The following PRR12 variants were observed in gnomAD, a reference collection of about 807,000 sequenced individuals.
PRR12 encodes proline rich 12.
A neutral mutation model predicts 138.0 loss-of-function variants in PRR12; 12 were observed. The observed-to-expected ratio is 0.09, with a 90% CI of 0.06 to 0.14. The LOEUF (loss-of-function observed/expected upper bound fraction) is 0.14. Among genes scored for constraint, PRR12 ranks in the 10% least tolerant of loss-of-function variants. The probability of loss-of-function intolerance (pLI) is 1.00; values close to 1 mark genes in which losing one functional copy is unlikely to be tolerated. For synonymous variants in PRR12, 1,567 were observed against 1,291.7 expected (o/e 1.21, Z -4.57); for missense variants, 2,692 against 2,861.3 (o/e 0.94, Z 1.35).
At chr19:49,607,615 G>A (rs2080845279) in intron 6 of PRR12, among the ~76,000 whole-genome samples, 1 of 152,028 alleles carries the variant, frequency 6.6e-6, no homozygotes, top group African/African-American at 2.4e-5. Context: ...GGCTCAGGTG[G>A]GAGAATCGCT....
rs530237868 is a variant in PRR12, at chr19:49,615,636, G to A, written c.5025-111G>A. The A allele has an allele frequency of 3.4e-5, 29 of 851,926 alleles. No homozygotes were observed. The South Asian group carries it at 4.4e-4, about 13-fold the overall frequency. 52.8% of individuals were successfully genotyped at this position (851,926 alleles called of 1,614,324 possible). On this transcript the variant is annotated intron_variant, in intron 8 of 13. Coordinates refer to ENST00000418929, the MANE Select transcript of PRR12 (RefSeq NM_020719.3). Reference sequence around the variant, plus strand: ...GGGAACAGAGACCAGAGAGAGGAGGGGACAGTATGAGAGAAGCTATTCCTG... The same window carrying A: ...GGGAACAGAGACCAGAGAGAGGAGGAGACAGTATGAGAGAAGCTATTCCTG...
At position 49,597,285 on chromosome 19, in the gene PRR12, C is replaced by G. The variant is rs1237384416; in HGVS notation, c.2950C>G (p.Pro984Ala). ...GGCTGGCGCTGGGCCACCCCCCGGC[C>G]CCCCTGCTTATGATCCCTATGGGCC... is the stretch of plus-strand genomic sequence containing the variant. Reference protein sequence around the residue: ...PKAGAGPPPGPPAYDPYGPYC... With the variant: ...PKAGAGPPPGAPAYDPYGPYC... The change falls in exon 4 of 14, where the codon CCC (proline) becomes GCC (alanine). Residue 984 changes from proline (P) to alanine (A), a missense_variant. By Grantham distance (27) the Pro-to-Ala change is conservative. Transcript: ENST00000418929. The surrounding 1 kb of genome is among the most constrained non-coding windows in gnomAD (Gnocchi z 6.3). 1 of 1,562,668 alleles carries G rather than the reference C, an allele frequency of 6.4e-7. No individual in the cohort carries two copies. Among genetic ancestry groups the G allele is most frequent in the Non-Finnish European group, 8.7e-7 (1 of 1,155,672 alleles).
At position 49,596,843 on chromosome 19, in the gene PRR12, T is replaced by TGCCCCCCCCCCC; in HGVS notation, c.2508_2509insGCCCCCCCCCCC (p.Pro836_Pro837insAlaProProPro). ...CCCGCGATGGGGCACCCCAGCCACC[T>TGCCCCCCCCCCC]CCACCGCCACCCCCGCCTCCACCAC... is the stretch of plus-strand genomic sequence containing the variant. On this transcript the variant is annotated inframe_insertion, in exon 4 of 14. Transcript: ENST00000418929. The surrounding 1 kb of genome is among the most constrained non-coding windows in gnomAD (Gnocchi z 5.6). 1 of 1,546,752 alleles carries TGCCCCCCCCCCC rather than the reference T, an allele frequency of 6.5e-7. No homozygotes were observed. Among genetic ancestry groups the TGCCCCCCCCCCC allele is most frequent in the Non-Finnish European group, 8.7e-7 (1 of 1,148,746 alleles).
Position 49,597,102 on chromosome 19 carries a change from G to T in PRR12, c.2767G>T (p.Ala923Ser). The T allele has an allele frequency of 1.9e-6, 3 of 1,551,276 alleles. No individual in the cohort carries two copies. Among genetic ancestry groups the T allele is most frequent in the Non-Finnish European group, 2.6e-6 (3 of 1,147,562 alleles). ...CAGCCCCAGCCCGCAAGGCACCAAGGCGCCGCGTTTCGTGCCGCTCACCTC... is the reference window on the plus strand; with the variant it reads ...CAGCCCCAGCCCGCAAGGCACCAAGTCGCCGCGTTTCGTGCCGCTCACCTC... ...YRSPSPQGTK[A>S]PRFVPLTSIC... Residue 923 changes from alanine to serine, a missense_variant, in exon 4 of 14, where the codon GCG (alanine) becomes TCG (serine). Ala to Ser is a moderately conservative substitution (Grantham distance 99). Around this residue, in one of 11 missense-constraint regions of PRR12, gnomAD observed 840 missense variants for 689.8 expected, o/e 1.22. Transcript: ENST00000418929. The surrounding 1 kb of genome is among the most constrained non-coding windows in gnomAD (Gnocchi z 6.3).
intron 6 of PRR12, among the ~76,000 whole-genome samples, chr19:49,611,538 T>C (rs2080865806): frequency 6.6e-6 from 1 of 151,320 alleles, no homozygotes; most frequent in African/African-American, 2.4e-5. Context: ...CTTGGGAGGC[T>C]GAGGCAGGAC....
In PRR12 at chr19:49,625,775, C is replaced by T. The variant is rs1012849493; in HGVS notation, c.*168C>T. 3.7e-6 allele frequency: 3 copies of T among 803,010 alleles called. No individual in the cohort carries two copies. The highest frequency in any genetic ancestry group is 3.6e-6 in the Non-Finnish European group (2 of 558,188). The allele number at this position is 803,010 out of a possible 1,614,324, so 49.7% of individuals were successfully genotyped here. A position where few individuals can be genotyped will look rare whatever the true frequency, so the allele number is the denominator to read the frequency against. On this transcript the variant is annotated 3_prime_UTR_variant, in exon 14 of 14. Transcript: ENST00000418929. The surrounding 1 kb of genome is among the most constrained non-coding windows in gnomAD (Gnocchi z 5.5). ...GGCAGGGTTCAAAGTCCGACTCCCC[C>T]CCTCTCCCAAGCCCCCTCCACTCCC...
chr19:49,593,410 A>G lies in PRR12; in HGVS notation c.170A>G (p.Gln57Arg). The G allele has an allele frequency of 6.3e-7, 1 of 1,587,278 alleles. No individual in the cohort carries two copies. Among genetic ancestry groups the G allele is most frequent in the South Asian group, 1.1e-5 (1 of 89,988 alleles). The stretch of plus-strand genomic sequence containing the variant: ...GCCTATGCGGCCCCCCACCCACTGC[A>G]AAGCTATGCCACCAACCACCACCCG... ...RQAYAAPHPL[Q>R]SYATNHHPAG... The change falls in exon 2 of 14, where the codon CAA becomes CGA. Residue 57 changes from glutamine to arginine, a missense_variant. Transcript: ENST00000418929.
chr19:49,595,018 G>A lies in PRR12; in HGVS notation c.683G>A (p.Arg228His), dbSNP rs1179125641. 15 of 1,577,188 alleles carry A rather than the reference G, an allele frequency of 9.5e-6. No homozygotes were observed. Among genetic ancestry groups the A allele is most frequent in the Non-Finnish European group, 7.7e-6 (9 of 1,165,224 alleles). ...GGTCCAGCCCAGACCCCCCCTTACC[G>A]CCCTGGCCCCCCAGACCCACCACCA... The part of the protein sequence containing the change: ...GLGPAQTPPY[R>H]PGPPDPPPPP... Residue 228 changes from arginine to histidine, a missense_variant, in exon 4 of 14, where the codon CGC (arginine) becomes CAC (histidine). Physicochemically the swap from Arg to His is conservative, Grantham distance 29 (BLOSUM62 0). Coordinates refer to ENST00000418929, the MANE Select transcript of PRR12 (RefSeq NM_020719.3).
At chr19:49,600,533 C>A (rs1044103054) in intron 5 of PRR12, among the ~76,000 whole-genome samples, 9 of 151,034 alleles carry the variant, frequency 6.0e-5, no homozygotes, top group African/African-American at 2.2e-4. Flanking sequence ...CACCTGTAAT[C>A]CTAGCACACT....
chr19:49,595,170 G>A lies in PRR12; in HGVS notation c.835G>A (p.Glu279Lys). Residue 279 changes from glutamate (E) to lysine (K), a missense_variant, in exon 4 of 14, where the codon GAG (glutamate) becomes AAG (lysine). Physicochemically the swap from Glu to Lys is moderately conservative, Grantham distance 56. Coordinates refer to ENST00000418929, the MANE Select transcript of PRR12 (RefSeq NM_020719.3). ...SGAAPGPPPP[E>K]RALPRQDTVI... ...TGCTGCCCCGGGCCCACCGCCGCCT[G>A]AGCGGGCCCTGCCACGCCAGGACAC... 2.5e-6 allele frequency: 4 copies of A among 1,609,524 alleles called. No individual in the cohort carries two copies. The highest frequency in any genetic ancestry group is 3.4e-6 in the Non-Finnish European group (4 of 1,179,018).
Position 49,597,653 on chromosome 19 carries a change from C to A in PRR12, c.3318C>A (p.Asp1106Glu). 1 of 1,607,568 alleles carries A rather than the reference C, an allele frequency of 6.2e-7. No individual in the cohort carries two copies. The highest frequency in any genetic ancestry group is 8.5e-7 in the Non-Finnish European group (1 of 1,177,994). ...AGTACGAGTTCGAGGCGGACGAGGA[C>A]AAGGCCGATGTTCCCGCCGACATCC... ...AQEYEFEADEDKADVPADIRL... is the reference protein window; with the variant it reads ...AQEYEFEADEEKADVPADIRL... Residue 1106 changes from aspartate (D) to glutamate (E), a missense_variant, in exon 4 of 14, where the codon GAC becomes GAA. Physicochemically the swap from Asp to Glu is conservative, Grantham distance 45. Transcript: ENST00000418929. This position sits in a 1 kb window ranked among gnomAD's most constrained non-coding sequence, Gnocchi z 6.3.
rs1021414226 is a variant in PRR12, at chr19:49,620,413, C to T, written c.5559C>T (p.Tyr1853=). The change falls in exon 10 of 14, where the codon TAC becomes TAT. Residue 1853 remains tyrosine (Y), a synonymous_variant. Coordinates refer to ENST00000418929, the MANE Select transcript of PRR12 (RefSeq NM_020719.3). ...TRAMREMYRS[Y]VEMLVSTALD... ...CGATGCGGGAGATGTACCGGAGCTA[C>T]GTGGAGATGTTGGTGAGCACAGCAC... 1.4e-5 allele frequency: 23 copies of T among 1,607,762 alleles called. No individual in the cohort carries two copies. In the Admixed American group the frequency reaches 2.5e-4, roughly 18 times the overall value.
rs778662929 is a variant in PRR12, at chr19:49,597,880, C to T, written c.3545C>T (p.Pro1182Leu). The change falls in exon 4 of 14, where the codon CCG (proline) becomes CTG (leucine). Residue 1182 changes from proline (P) to leucine (L), a missense_variant. Physicochemically the swap from Pro to Leu is moderately conservative, Grantham distance 98. Around this residue, in one of 11 missense-constraint regions of PRR12, gnomAD observed 326 missense variants for 344.2 expected, o/e 0.95. Coordinates refer to ENST00000418929, the MANE Select transcript of PRR12 (RefSeq NM_020719.3). The surrounding 1 kb of genome is among the most constrained non-coding windows in gnomAD (Gnocchi z 6.3). ...GRPRIRPLEV[P>L]TTAGPASAST... ...CCCCGGATCCGCCCCCTGGAGGTCC[C>T]GACCACTGCGGGGCCCGCCTCGGCC... 1.2e-5 allele frequency: 17 copies of T among 1,444,584 alleles called. No homozygotes were observed. The East Asian group carries it at 3.6e-4, about 30-fold the overall frequency. 89.5% of individuals were successfully genotyped at this position (1,444,584 alleles called of 1,614,324 possible). A position where few individuals can be genotyped will look rare whatever the true frequency, so the allele number is the denominator to read the frequency against.
At chr19:49,604,140 G>A (rs1568426484) in intron 6 of PRR12, among the ~76,000 whole-genome samples, 1 of 152,024 alleles carries the variant, frequency 6.6e-6, no homozygotes, top group Non-Finnish European at 1.5e-5. Flanking sequence ...TCTTAAGTGT[G>A]TTTTTTGAGG....
chr19:49,591,936 C>T (rs1409611772), intron 1 of PRR12, among the ~76,000 whole-genome samples, 196 bp downstream of exon 1: 1 of 152,098 alleles, frequency 6.6e-6, no homozygotes, highest in Admixed American at 6.5e-5. Flanking sequence ...AAAGCCAGCT[C>T]CGGCATGCAA....
chr19:49,611,451 A>G (rs932518150), intron 6 of PRR12, among the ~76,000 whole-genome samples: 2 of 151,096 alleles, frequency 1.3e-5, no homozygotes, highest in Non-Finnish European at 2.9e-5. Context: ...AGCCTTGCCA[A>G]CCTGGTAAAA....
chr19:49,599,832 A>G lies in PRR12; in HGVS notation c.4239A>G (p.Pro1413=). Residue 1413 remains proline, a synonymous_variant, in exon 5 of 14, where the codon CCA becomes CCG. Coordinates refer to ENST00000418929, the MANE Select transcript of PRR12 (RefSeq NM_020719.3). The surrounding 1 kb of genome is among the most constrained non-coding windows in gnomAD (Gnocchi z 5.0). Reference sequence around the variant, plus strand: ...TCGATGACCCACCCCTTGCTGGGCCAAAAGACACTTCCACCCCAGATGGGC... The same window carrying G: ...TCGATGACCCACCCCTTGCTGGGCCGAAAGACACTTCCACCCCAGATGGGC... The part of the protein sequence containing the change: ...SALDDPPLAG[P]KDTSTPDGPP... 6.2e-7 allele frequency: 1 copy of G among 1,613,302 alleles called. No homozygotes were observed. The highest frequency in any genetic ancestry group is 2.2e-5 in the East Asian group (1 of 44,888).
Position 49,616,061 on chromosome 19 carries a change from G to A in PRR12, c.5339G>A (p.Arg1780Gln), listed in dbSNP as rs765901626. Reference protein sequence around the residue: ...SLATGQPATSRLPKARPTKVK... With the variant: ...SLATGQPATSQLPKARPTKVK... ...GCCACGGGACAACCTGCCACATCCC[G>A]GCTGCCCAAAGCCCGGCCTACCAAG... is the stretch of plus-strand genomic sequence containing the variant. Residue 1780 changes from arginine (R) to glutamine (Q), a missense_variant, in exon 9 of 14, where the codon CGG becomes CAG. Arg to Gln is a conservative substitution (Grantham distance 43). Coordinates refer to ENST00000418929, the MANE Select transcript of PRR12 (RefSeq NM_020719.3). The surrounding 1 kb of genome is among the most constrained non-coding windows in gnomAD (Gnocchi z 4.2). 47 of 1,563,778 alleles carry A rather than the reference G, an allele frequency of 3.0e-5. No individual in the cohort carries two copies. Among genetic ancestry groups the A allele is most frequent in the Non-Finnish European group, 3.3e-5 (38 of 1,154,854 alleles).
chr19:49,601,182 G>A (rs572440308), intron 5 of PRR12, among the ~76,000 whole-genome samples: 47 of 152,248 alleles, frequency 3.1e-4, no homozygotes, highest in African/African-American at 1.1e-3. Context: ...AGTAGAGTTA[G>A]GGAGGTGATG....
Sources: gnomAD v4.1 joint callset for allele counts (sites outside exome capture counted in the v4.1 genomes callset) on GRCh38, gnomAD v4.1.1 for gene constraint, gnomAD v4.1.1 regional missense constraint, Gnocchi (gnomAD v3.1) non-coding constraint, MANE v1.5 for transcripts, NCBI Gene and HGNC (gene_info 2026-07-23, HGNC 2026-07-21) for gene names.